The following CAPS2 variants were observed in gnomAD, a reference collection of about 807,000 sequenced individuals.
CAPS2 encodes the protein calcyphosin-2.
A neutral mutation model predicts 86.5 loss-of-function variants in CAPS2; 98 were observed. The ratio of observed to expected loss-of-function variants is 1.13; its 90% CI spans 0.96 to 1.34. The LOEUF (loss-of-function observed/expected upper bound fraction) is 1.34, where lower values mean the gene tolerates loss of function less well. CAPS2 is among the 40% of genes most tolerant of loss of function. The probability of loss-of-function intolerance (pLI) is 0.00; values close to 1 mark genes in which losing one functional copy is unlikely to be tolerated. For synonymous variants in CAPS2, 210 were observed against 225.1 expected, an observed-to-expected ratio of 0.93 and a Z score of 0.60; for missense variants, 729 against 686.8, an observed-to-expected ratio of 1.06 and a Z score of -0.69.
intron 8 of CAPS2, 42 bp downstream of exon 8, chr12:75,304,715 A>G (rs376762798): frequency 1.1e-5 from 16 of 1,391,428 alleles, no homozygotes; most frequent in African/African-American, 1.5e-5. Flanking sequence ...ATACTTTTAG[A>G]ACATAGTGCA....
chr12:75,285,854 T>C (rs1163000204), intron 14 of CAPS2, among the ~76,000 whole-genome samples: 1 of 151,994 alleles, frequency 6.6e-6, no homozygotes, highest in Non-Finnish European at 1.5e-5. Context: ...ATATTTCTGC[T>C]AGTCTTCATG....
intron 1 of CAPS2, chr12:75,343,992 C>A: frequency 7.0e-7 from 1 of 1,426,486 alleles, no homozygotes; most frequent in Non-Finnish European, 9.5e-7. Flanking sequence ...ATTTTAATTG[C>A]CAGAATTTAT....
In CAPS2 at chr12:75,311,706, AAAAAACAAAAAAAAAAAC is replaced by A. The variant is rs1471443326; in HGVS notation, c.659+1124_659+1141del. On this transcript the variant is annotated intron_variant, in intron 7 of 16. Coordinates refer to ENST00000393284, the Ensembl canonical transcript of CAPS2. ...CGTGCAGGAAGCCATGCAGGAAAAA[AAAAAACAAAAAAAAAAAC>A]AAAAAAAAAAAAAAAAACCTGCCTC... Among the ~76,000 whole-genome samples the A allele has an allele frequency of 1.4e-3, 21 of 15,006 alleles. 1 individual carries two copies. Among genetic ancestry groups the A allele is most frequent in the East Asian group, 5.9e-3 (3 of 508 alleles). The allele number at this position is 15,006 out of a possible 152,430, so 9.8% of individuals were successfully genotyped here.
At chr12:75,325,157 A>G in intron 2 of CAPS2, 82 bp downstream of exon 3, 1 of 1,298,514 alleles carries the variant, frequency 7.7e-7, no homozygotes, top group Non-Finnish European at 1.0e-6. Context: ...TACATTTATA[A>G]TTTTGCTTTG....
intron 1 of CAPS2, among the ~76,000 whole-genome samples, chr12:75,339,318 T>C (rs1412110997): frequency 6.6e-6 from 1 of 152,180 alleles, no homozygotes; most frequent in Non-Finnish European, 1.5e-5. Context: ...TGGTATCCAA[T>C]TGTGGTTTTG....
chr12:75,306,269 T>C, intron 7 of CAPS2: 1 of 619,834 alleles, frequency 1.6e-6, no homozygotes, highest in Non-Finnish European at 2.9e-6. Context: ...CAGGCAGGCC[T>C]TCCGGATACT....
At chr12:75,382,844 T>C (rs1191779055) in intron 1 of CAPS2, among the ~76,000 whole-genome samples, 7 of 152,140 alleles carry the variant, frequency 4.6e-5, no homozygotes, top group Admixed American at 4.6e-4. Flanking sequence ...GCAAAAAGTA[T>C]ATAAGTAGCA....
chr12:75,293,802 C>T (rs765260901), intron 11 of CAPS2, among the ~76,000 whole-genome samples: 2 of 152,146 alleles, frequency 1.3e-5, no homozygotes, highest in Non-Finnish European at 1.5e-5. Flanking sequence ...CTAATTTCAA[C>T]CTAATTAGAA....
rs150997146 is a variant in CAPS2, at chr12:75,379,990, C to T, written c.-395+10848G>A. 3.7e-3 allele frequency among the ~76,000 whole-genome samples: 561 copies of T among 151,334 alleles called. 2 individuals carry two copies. The highest frequency in any genetic ancestry group is 0.012 in the African/African-American group (513 of 41,274). On this transcript the variant is annotated intron_variant, in intron 1 of 5. Transcript: ENST00000551829. ...AACAAATGTGGAAGTGGTAACCCTTCGATTAAATCAAAAGGTACTATATGT... is the reference window on the plus strand; with the variant it reads ...AACAAATGTGGAAGTGGTAACCCTTTGATTAAATCAAAAGGTACTATATGT...
At chr12:75,331,673 C>T (rs1565933419), upstream of CAPS2, among the ~76,000 whole-genome samples, 3 of 151,064 alleles carry the variant, frequency 2.0e-5, no homozygotes, top group Non-Finnish European at 4.4e-5. Flanking sequence ...ACGCCATTCT[C>T]CTGCCTCAGC....
intron 8 of CAPS2, among the ~76,000 whole-genome samples, chr12:75,302,262 C>T (rs2037911005): frequency 6.6e-6 from 1 of 152,162 alleles, no homozygotes; most frequent in South Asian, 2.1e-4. Context: ...CCTAGATTAG[C>T]TTTAAACAAG....
At chr12:75,300,362 T>C (rs2037615540) in intron 8 of CAPS2, among the ~76,000 whole-genome samples, 1 of 151,650 alleles carries the variant, frequency 6.6e-6, no homozygotes, top group Non-Finnish European at 1.5e-5. Context: ...CGAGACCATC[T>C]GGCTAACACG....
chr12:75,378,019 A>G (rs1376959943), intron 1 of CAPS2, among the ~76,000 whole-genome samples: 2 of 151,808 alleles, frequency 1.3e-5, no homozygotes, highest in Non-Finnish European at 2.9e-5. Flanking sequence ...TCTTTTTGAG[A>G]CAGGGTCTCA....
intron 1 of CAPS2, among the ~76,000 whole-genome samples, chr12:75,337,942 A>G (rs564198023): frequency 1.3e-5 from 2 of 152,234 alleles, no homozygotes; most frequent in Admixed American, 1.3e-4. Flanking sequence ...GAATGAGATC[A>G]TTCATCTGCA....
upstream of CAPS2, chr12:75,334,961 G>C: frequency 6.7e-7 from 1 of 1,496,720 alleles, no homozygotes; most frequent in Admixed American, 1.9e-5. Context: ...GTATCTGGGT[G>C]ATAAATTTCA....
At chr12:75,349,341 T>A (rs977991342) in intron 1 of CAPS2, among the ~76,000 whole-genome samples, 5 of 152,104 alleles carry the variant, frequency 3.3e-5, no homozygotes, top group African/African-American at 1.2e-4. Context: ...AGCACAGAAT[T>A]TTAAGAAAAG....
At chr12:75,337,682 T>C (rs2041830331) in intron 1 of CAPS2, among the ~76,000 whole-genome samples, 1 of 152,048 alleles carries the variant, frequency 6.6e-6, no homozygotes, top group Non-Finnish European at 1.5e-5. Flanking sequence ...TTATTTCATA[T>C]ATGCGTGCCA....
chr12:75,378,173 T>A (rs1209368094), intron 1 of CAPS2, among the ~76,000 whole-genome samples: 2 of 151,748 alleles, frequency 1.3e-5, no homozygotes, highest in Non-Finnish European at 2.9e-5. Context: ...AATTTTTGCA[T>A]TTTTTTGTAG....
At chr12:75,305,977 C>A in intron 7 of CAPS2, 3 of 1,375,020 alleles carry the variant, frequency 2.2e-6, no homozygotes, top group South Asian at 1.2e-5. Context: ...CTCTGAGCAA[C>A]AGCAGGGTCC....
Sources: allele counts gnomAD v4.1 joint callset (sites outside exome capture counted in the v4.1 genomes callset), GRCh38; gene constraint gnomAD v4.1.1; transcripts MANE v1.5; gene names NCBI Gene and HGNC (gene_info 2026-07-23, HGNC 2026-07-21).